The following CTH variants were observed in gnomAD, a reference collection of about 807,000 sequenced individuals.
CTH encodes the protein cystathionine gamma-lyase, also known as cystathionase (cystathionine gamma-lyase).
CTH carries 41 observed loss-of-function variants against 50.6 expected under a neutral mutation model. That is an observed-to-expected ratio of 0.81 (90% confidence interval 0.63 to 1.05). The LOEUF (loss-of-function observed/expected upper bound fraction) is 1.05, where lower values mean the gene tolerates loss of function less well. CTH is among the 50% of genes least tolerant of loss of function. The probability of loss-of-function intolerance (pLI) is 0.00; values close to 1 mark genes in which losing one functional copy is unlikely to be tolerated. For synonymous variants in CTH, 156 were observed against 168.9 expected (o/e 0.92, Z 0.59); for missense variants, 470 against 492.6 (o/e 0.95, Z 0.43).
intron 10 of CTH, among the ~76,000 whole-genome samples, chr1:70,435,966 C>T (rs963184387): frequency 6.6e-5 from 10 of 152,100 alleles, no homozygotes; most frequent in African/African-American, 2.2e-4. Context: ...TCTGCTTCCA[C>T]CAATTAGTTA....
chr1:70,416,752 A>T (rs1295151310), intron 2 of CTH, among the ~76,000 whole-genome samples: 1 of 151,938 alleles, frequency 6.6e-6, no homozygotes, highest in Non-Finnish European at 1.5e-5. Context: ...TTTAGTAGAG[A>T]TGGGGTTTCA....
chr1:70,434,015 C>T, intron 9 of CTH, 66 bp downstream of exon 9: 1 of 1,604,536 alleles, frequency 6.2e-7, no homozygotes, highest in Non-Finnish European at 8.5e-7. Context: ...CTATCTCTCA[C>T]TTCTACTCAA....
chr1:70,433,685 A>G, intron 8 of CTH, 143 bp from the exon 9 acceptor site: 1 of 1,313,036 alleles, frequency 7.6e-7, no homozygotes, highest in Non-Finnish European at 1.1e-6. Context: ...TAGGGGCCCA[A>G]GCAAGTAGTC....
intron 7 of CTH, chr1:70,431,256 T>C (rs1311649045): frequency 1.3e-5 from 2 of 152,198 alleles, no homozygotes; most frequent in African/African-American, 4.8e-5. Flanking sequence ...TTTATTTTCA[T>C]GTCCATCTTA....
In CTH at chr1:70,430,174, G is replaced by A. The variant is rs559939868; in HGVS notation, c.647-143G>A. The A allele has an allele frequency of 3.7e-4, 241 of 652,916 alleles. 3 individuals are homozygous for A. In the South Asian group the frequency reaches 4.2e-3, roughly 11 times the overall value. 40.4% of individuals were successfully genotyped at this position (652,916 alleles called of 1,614,324 possible). A position where few individuals can be genotyped will look rare whatever the true frequency, so the allele number is the denominator to read the frequency against. ...TTTTGCTACTGTCCAGTTGAATAAAGGTTACTTAAACTTATTTTATAGAGC... is the reference window on the plus strand; with the variant it reads ...TTTTGCTACTGTCCAGTTGAATAAAAGTTACTTAAACTTATTTTATAGAGC... On this transcript the variant is annotated intron_variant, in intron 6 of 11. Coordinates refer to ENST00000370938, the MANE Select transcript of CTH (RefSeq NM_001902.6).
chr1:70,419,474 C>A (rs182868404), intron 3 of CTH, among the ~76,000 whole-genome samples: 70 of 152,310 alleles, frequency 4.6e-4, no homozygotes, highest in African/African-American at 1.6e-3. Context: ...TCCACAACCT[C>A]TCCAGCACCT....
intron 4 of CTH, 47 bp downstream of exon 4, chr1:70,421,722 T>C (rs1394942615): frequency 1.3e-6 from 2 of 1,569,832 alleles, no homozygotes; most frequent in Non-Finnish European, 8.8e-7. Context: ...TTCGATGTTT[T>C]GTTTTCATCA....
At chr1:70,415,675 C>T (rs546579885) in intron 1 of CTH, among the ~76,000 whole-genome samples, 168 of 152,216 alleles carry the variant, frequency 1.1e-3, no homozygotes, top group Non-Finnish European at 1.6e-3. Context: ...GTATTTTATT[C>T]CCATTTTACA....
Position 70,432,082 on chromosome 1 carries a change from G to C in CTH, c.725-1G>C. On this transcript the variant is annotated splice_acceptor_variant, in intron 7 of 11. Transcript: ENST00000370938. LOFTEE classifies it high-confidence loss of function. ...TTATCCAGGATGTGTTCATTTTGCA[G>C]CTCTTGGAGCAGTTCCATCTCCTAT... 1 of 1,613,942 alleles carries C rather than the reference G, an allele frequency of 6.2e-7. No individual in the cohort carries two copies. The highest frequency in any genetic ancestry group is 8.5e-7 in the Non-Finnish European group (1 of 1,179,988).
chr1:70,417,239 G>A (rs942111149), intron 2 of CTH, among the ~76,000 whole-genome samples: 1 of 151,594 alleles, frequency 6.6e-6, no homozygotes, highest in Admixed American at 6.6e-5. Flanking sequence ...TATAATTAAC[G>A]TATGAATCAT....
chr1:70,429,744 G>A (rs758172594), intron 5 of CTH, 50 bp from the exon 6 acceptor site: 3 of 1,265,176 alleles, frequency 2.4e-6, no homozygotes, highest in Admixed American at 1.7e-5. Flanking sequence ...AGGTAATGAA[G>A]CATATTTTCA....
Position 70,423,602 on chromosome 1 carries a change from A to G in CTH, c.457-683A>G, listed in dbSNP as rs17131300. Among the ~76,000 whole-genome samples, 701 of 152,160 alleles carry G rather than the reference A, an allele frequency of 4.6e-3. 1 individual carries two copies. The highest frequency in any genetic ancestry group is 0.016 in the African/African-American group (673 of 41,522). ...AAAAAAAAGAAAGTAATTCAGTACA[A>G]TGGCATTTCGTTCAACAAATAGAAT... On this transcript the variant is annotated intron_variant, in intron 4 of 11. Transcript: ENST00000370938.
chr1:70,438,840 T>TTGTTTGTGTG lies in CTH; in HGVS notation c.1191+17_1191+18insTTGTGTGTGT. ...TTGAAGGCAGCAGTAAGTCTTATTATTGTGTGTGTGTGTGTGTGTGTGTGT... is the reference window on the plus strand; with the variant it reads ...TTGAAGGCAGCAGTAAGTCTTATTATTGTTTGTGTGTGTGTGTGTGTGTGTGTGTGTGTGT... On this transcript the variant is annotated intron_variant, in intron 11 of 11. Coordinates refer to ENST00000370938, the MANE Select transcript of CTH (RefSeq NM_001902.6). 6.4e-7 allele frequency: 1 copy of TTGTTTGTGTG among 1,557,750 alleles called. No homozygotes were observed. Among genetic ancestry groups the TTGTTTGTGTG allele is most frequent in the Non-Finnish European group, 8.8e-7 (1 of 1,142,738 alleles).
At chr1:70,412,790 A>C (rs143319577) in intron 1 of CTH, among the ~76,000 whole-genome samples, 2 of 152,334 alleles carry the variant, frequency 1.3e-5, no homozygotes, top group East Asian at 3.9e-4. Flanking sequence ...TTAAGGCTGT[A>C]TAGTACATAA....
chr1:70,436,032 C>T (rs1037107388), intron 10 of CTH, among the ~76,000 whole-genome samples: 9 of 152,060 alleles, frequency 5.9e-5, no homozygotes, highest in Non-Finnish European at 1.0e-4. Flanking sequence ...TAATGATTTT[C>T]GGCCTGGTGC....
At chr1:70,420,534 C>A (rs929718599) in intron 3 of CTH, among the ~76,000 whole-genome samples, 1 of 152,116 alleles carries the variant, frequency 6.6e-6, no homozygotes, top group Non-Finnish European at 1.5e-5. Flanking sequence ...GGAGACTGAG[C>A]TCAGGGAGTC....
intron 3 of CTH, among the ~76,000 whole-genome samples, chr1:70,420,691 G>C (rs1684199918): frequency 6.6e-6 from 1 of 152,086 alleles, no homozygotes; most frequent in African/African-American, 2.4e-5. Flanking sequence ...TCAGAAATTT[G>C]CACAATGTTT....
rs748966989 is a variant in CTH, at chr1:70,415,941, A to G, written c.169-15A>G. ...CTGAAATCTCTTAGGATGAACTCGA[A>G]CTTGTTTTTTTCAGGGTTTTGAATA... On this transcript the variant is annotated splice_polypyrimidine_tract_variant and intron_variant, in intron 1 of 11. Transcript: ENST00000370938. The G allele has an allele frequency of 6.6e-7, 1 of 1,513,908 alleles. No homozygotes were observed. The highest frequency in any genetic ancestry group is 1.1e-5 in the South Asian group (1 of 89,004). 93.8% of individuals were successfully genotyped at this position (1,513,908 alleles called of 1,614,324 possible). A position where few individuals can be genotyped will look rare whatever the true frequency, so the allele number is the denominator to read the frequency against.
chr1:70,432,688 T>C (rs1302597712), intron 8 of CTH, among the ~76,000 whole-genome samples: 1 of 147,808 alleles, frequency 6.8e-6, no homozygotes, highest in African/African-American at 2.5e-5. Flanking sequence ...CTCTCTTTTT[T>C]TTTTTTTTTT....
Sources: gnomAD v4.1 joint callset for allele counts (sites outside exome capture counted in the v4.1 genomes callset) on GRCh38, gnomAD v4.1.1 for gene constraint, MANE v1.5 for transcripts, NCBI Gene and HGNC (gene_info 2026-07-23, HGNC 2026-07-21) for gene names.